The following DYNC1I1 variants were observed in gnomAD, a reference collection of about 807,000 sequenced individuals.
DYNC1I1 encodes cytoplasmic dynein 1 intermediate chain 1.
Under a neutral mutation model 86.6 loss-of-function variants are expected in DYNC1I1, and 43 were observed. The observed-to-expected ratio is 0.50, with a 90% confidence interval of 0.39 to 0.64. The LOEUF (loss-of-function observed/expected upper bound fraction) is 0.64. Among genes scored for constraint, DYNC1I1 ranks in the 30% least tolerant of loss-of-function variants. The pLI is 0.00. For missense variants in DYNC1I1, 604 were observed against 788.8 expected (o/e 0.77, Z 2.81); for synonymous variants, 262 against 283.7 (o/e 0.92, Z 0.77).
chr7:96,035,057 C>T lies in DYNC1I1; in HGVS notation c.1231-562C>T, dbSNP rs564696783. 1.8e-4 allele frequency among the ~76,000 whole-genome samples: 28 copies of T among 152,216 alleles called. 1 individual carries two copies. Among genetic ancestry groups the T allele is most frequent in the Middle Eastern group, 3.4e-3 (1 of 294 alleles). On this transcript the variant is annotated intron_variant, in intron 12 of 16. Transcript: ENST00000447467. Reference sequence around the variant, plus strand: ...AGACTCCCATTTGCTATTTTAAAGACGTATTTAAATATTGTTCTTTTCAGG... The same window carrying T: ...AGACTCCCATTTGCTATTTTAAAGATGTATTTAAATATTGTTCTTTTCAGG...
At chr7:96,041,078 A>C (rs936012643) in intron 14 of DYNC1I1, among the ~76,000 whole-genome samples, 2 of 152,142 alleles carry the variant, frequency 1.3e-5, no homozygotes, top group African/African-American at 4.8e-5. Flanking sequence ...AGCAATACTT[A>C]GGAAATAAAT....
intron 4 of DYNC1I1, among the ~76,000 whole-genome samples, chr7:95,815,038 T>C (rs1794916994): frequency 6.6e-6 from 1 of 152,140 alleles, no homozygotes; most frequent in Non-Finnish European, 1.5e-5. Context: ...ACCATTTCTG[T>C]ACCATGATGG....
intron 6 of DYNC1I1, among the ~76,000 whole-genome samples, chr7:95,928,237 T>G (rs953561831): frequency 6.6e-6 from 1 of 152,254 alleles, no homozygotes; most frequent in Admixed American, 6.5e-5. Flanking sequence ...TGTTAAATTG[T>G]AGTTCCTGCA....
intron 16 of DYNC1I1, among the ~76,000 whole-genome samples, chr7:96,089,072 G>A (rs990307924): frequency 6.6e-6 from 1 of 151,368 alleles, no homozygotes; most frequent in South Asian, 2.1e-4. Flanking sequence ...CAGCATTAAG[G>A]TCCCTTAGAT....
intron 1 of DYNC1I1, among the ~76,000 whole-genome samples, chr7:95,779,339 C>A (rs1345925580): frequency 6.6e-6 from 1 of 152,130 alleles, no homozygotes; most frequent in Non-Finnish European, 1.5e-5. Flanking sequence ...GATCAGATAT[C>A]CCACTTACTG....
intron 6 of DYNC1I1, among the ~76,000 whole-genome samples, chr7:95,889,724 A>C (rs796368003): frequency 2.7e-4 from 39 of 145,120 alleles, no homozygotes; most frequent in African/African-American, 1.1e-3. Flanking sequence ...CAGTATCTAT[A>C]AAAAAACTTT....
intron 6 of DYNC1I1, among the ~76,000 whole-genome samples, chr7:95,935,708 G>A (rs1792021662): frequency 6.6e-6 from 1 of 151,970 alleles, no homozygotes; most frequent in Admixed American, 6.6e-5. Context: ...AATCTGATAA[G>A]TGGTTAATGT....
chr7:95,823,394 A>G (rs897332398), intron 4 of DYNC1I1, among the ~76,000 whole-genome samples: 2 of 152,160 alleles, frequency 1.3e-5, no homozygotes, highest in African/African-American at 4.8e-5. Context: ...CACCATTCTT[A>G]ATCTGTCTTT....
chr7:95,990,267 GT>G (rs1793698862), intron 9 of DYNC1I1, among the ~76,000 whole-genome samples: 1 of 152,126 alleles, frequency 6.6e-6, no homozygotes, highest in Non-Finnish European at 1.5e-5. Context: ...GTTTTCAGAT[GT>G]GTGCAGAATC....
intron 10 of DYNC1I1, among the ~76,000 whole-genome samples, chr7:96,001,628 G>A (rs955396220): frequency 9.2e-5 from 14 of 152,188 alleles, no homozygotes; most frequent in Non-Finnish European, 1.8e-4. Flanking sequence ...TACACATAAT[G>A]TAATCTGTGA....
intron 6 of DYNC1I1, among the ~76,000 whole-genome samples, chr7:95,940,585 C>A (rs6959228): frequency 6.6e-6 from 1 of 152,084 alleles, no homozygotes; most frequent in African/African-American, 2.4e-5. Context: ...TCCAGTTGAT[C>A]GCATCAGCTC....
intron 15 of DYNC1I1, among the ~76,000 whole-genome samples, chr7:96,079,531 G>A (rs1790447138): frequency 6.6e-6 from 1 of 152,228 alleles, no homozygotes; most frequent in Non-Finnish European, 1.5e-5. Flanking sequence ...AAATACTGAG[G>A]CTCTTGGAAC....
At chr7:95,915,056 A>G (rs1401654952) in intron 6 of DYNC1I1, among the ~76,000 whole-genome samples, 1 of 152,174 alleles carries the variant, frequency 6.6e-6, no homozygotes, top group Non-Finnish European at 1.5e-5. Flanking sequence ...TCTCAGTTAT[A>G]TCTTAAATGA....
chr7:95,975,400 G>A (rs1168686438), intron 6 of DYNC1I1, among the ~76,000 whole-genome samples: 1 of 152,124 alleles, frequency 6.6e-6, no homozygotes, highest in East Asian at 1.9e-4. Flanking sequence ...ACTTCCGGTG[G>A]TTTTCTGGCA....
At chr7:96,064,927 CA>C (rs894175131) in intron 14 of DYNC1I1, among the ~76,000 whole-genome samples, 414 of 134,502 alleles carry the variant, frequency 3.1e-3, no homozygotes, top group Middle Eastern at 8.0e-3. Context: ...GGTCTTAAGG[CA>C]AAAAAAAAAA....
At chr7:95,877,834 T>G (rs1790348721) in intron 6 of DYNC1I1, among the ~76,000 whole-genome samples, 1 of 152,208 alleles carries the variant, frequency 6.6e-6, no homozygotes, top group South Asian at 2.1e-4. Flanking sequence ...TGTTGAAAAC[T>G]ATAGAGCAAC....
At chr7:96,030,266 A>C (rs192020682) in intron 11 of DYNC1I1, among the ~76,000 whole-genome samples, 4 of 152,148 alleles carry the variant, frequency 2.6e-5, no homozygotes, top group African/African-American at 7.2e-5. Context: ...ATAAATAAAA[A>C]CAATCTGGCA....
At chr7:95,824,409 A>G (rs1215899614) in intron 4 of DYNC1I1, among the ~76,000 whole-genome samples, 1 of 152,136 alleles carries the variant, frequency 6.6e-6, no homozygotes, top group African/African-American at 2.4e-5. Context: ...GAATAAGTAA[A>G]TGAATGTTCT....
At chr7:95,877,139 G>T (rs1278053911) in intron 6 of DYNC1I1, among the ~76,000 whole-genome samples, 2 of 152,082 alleles carry the variant, frequency 1.3e-5, no homozygotes, top group African/African-American at 4.8e-5. Context: ...GAGAGCTATT[G>T]TATCTTCCTG....
Sources: gnomAD v4.1 joint callset for allele counts (sites outside exome capture counted in the v4.1 genomes callset) on GRCh38, gnomAD v4.1.1 for gene constraint, MANE v1.5 for transcripts, NCBI Gene and HGNC (gene_info 2026-07-23, HGNC 2026-07-21) for gene names.